ATP9B: variants seen among roughly 807,000 people sequenced by gnomAD.
ATP9B encodes the protein ATPase phospholipid transporting 9B, also known as probable phospholipid-transporting ATPase IIB.
Under a neutral mutation model 146.1 loss-of-function variants are expected in ATP9B, and 110 were observed. The ratio of observed to expected loss-of-function variants is 0.75; its 90% CI spans 0.65 to 0.88. The LOEUF is 0.88. Among genes scored for constraint, ATP9B ranks in the 40% least tolerant of loss-of-function variants. The pLI is 0.00. For synonymous variants in ATP9B, 604 were observed against 569.7 expected, an observed-to-expected ratio of 1.06 and a Z score of -0.86; for missense variants, 1,499 against 1,496.4, an observed-to-expected ratio of 1.00 and a Z score of -0.03.
At chr18:79,238,708 C>G (rs1255962078) in intron 11 of ATP9B, among the ~76,000 whole-genome samples, 2 of 152,198 alleles carry the variant, frequency 1.3e-5, no homozygotes, top group African/African-American at 4.8e-5. Context: ...CTGTCTCTAC[C>G]CTAACTCGAG....
intron 5 of ATP9B, among the ~76,000 whole-genome samples, chr18:79,140,231 C>G (rs1450572827): frequency 6.6e-6 from 1 of 152,054 alleles, no homozygotes; most frequent in Non-Finnish European, 1.5e-5. Context: ...GAGGAGCCAG[C>G]TGGTAAAGCC....
At chr18:79,274,602 T>C (rs2096287611) in intron 12 of ATP9B, among the ~76,000 whole-genome samples, 1 of 152,196 alleles carries the variant, frequency 6.6e-6, no homozygotes, top group Admixed American at 6.5e-5. Context: ...AAAACCCGTG[T>C]GGTATTATAC....
At chr18:79,197,677 A>C (rs2095429282) in intron 9 of ATP9B, among the ~76,000 whole-genome samples, 1 of 151,852 alleles carries the variant, frequency 6.6e-6, no homozygotes, top group Admixed American at 6.5e-5. Flanking sequence ...TTAGATGCTA[A>C]AGTGGGATCA....
At chr18:79,372,955 T>C (rs2097081221) in intron 27 of ATP9B, 73 bp downstream of exon 27, 2 of 1,070,278 alleles carry the variant, frequency 1.9e-6, no homozygotes, top group Non-Finnish European at 2.9e-6. Flanking sequence ...ATATTGTTTT[T>C]ACTTGCAGAT....
intron 6 of ATP9B, among the ~76,000 whole-genome samples, chr18:79,144,511 C>T (rs28698677): frequency 0.17 from 26,019 of 152,074 alleles, 3,774 homozygotes; most frequent in African/African-American, 0.4. Flanking sequence ...CACAATAGGG[C>T]TCTTGCTCCT....
chr18:79,106,130 A>G (rs547654599), intron 2 of ATP9B, among the ~76,000 whole-genome samples: 39 of 152,332 alleles, frequency 2.6e-4, no homozygotes, highest in African/African-American at 9.1e-4. Flanking sequence ...ACTGCTGGAT[A>G]TAGTTTCAGC....
chr18:79,363,245 C>T (rs952777649), intron 26 of ATP9B: 2 of 152,222 alleles, frequency 1.3e-5, no homozygotes, highest in Non-Finnish European at 2.9e-5. Context: ...TATAATAATA[C>T]ATTTAAGCAT....
At chr18:79,176,511 A>G (rs1222714243) in intron 7 of ATP9B, among the ~76,000 whole-genome samples, 2 of 152,246 alleles carry the variant, frequency 1.3e-5, no homozygotes, top group African/African-American at 4.8e-5. Flanking sequence ...AGAAATGATC[A>G]ATGCAGTTTT....
In ATP9B at chr18:79,370,325, G is replaced by GC. The variant is rs1256546155; in HGVS notation, c.3013-2500_3013-2499insC. ...TATTACTTCTATTTCACAGAGGAGG[G>GC]AACTGAGGCACAGAGATTAAGTCCT... On this transcript the variant is annotated intron_variant, in intron 26 of 29. Coordinates refer to ENST00000426216, the MANE Select transcript of ATP9B (RefSeq NM_198531.5). 5.3e-5 allele frequency among the ~76,000 whole-genome samples: 8 copies of GC among 152,122 alleles called. No individual in the cohort carries two copies. In the East Asian group the frequency reaches 1.3e-3, roughly 26 times the overall value.
intron 12 of ATP9B, among the ~76,000 whole-genome samples, chr18:79,274,300 A>C (rs192315747): frequency 1.3e-5 from 2 of 152,238 alleles, no homozygotes; most frequent in African/African-American, 4.8e-5. Flanking sequence ...TACTCTGCCA[A>C]CTTAGTGTTT....
At chr18:79,316,061 C>T (rs1486560608) in intron 15 of ATP9B, among the ~76,000 whole-genome samples, 1 of 152,162 alleles carries the variant, frequency 6.6e-6, no homozygotes, top group Non-Finnish European at 1.5e-5. Flanking sequence ...TAATGTCAGG[C>T]AGCAGTTAAT....
At chr18:79,250,943 G>A (rs145229125) in intron 11 of ATP9B, among the ~76,000 whole-genome samples, 1 of 152,338 alleles carries the variant, frequency 6.6e-6, no homozygotes, top group African/African-American at 2.4e-5. Context: ...TGAATTAGAG[G>A]GCAGTGTGCT....
At chr18:79,231,803 T>TATATACAC (rs569726473) in intron 11 of ATP9B, among the ~76,000 whole-genome samples, 33 of 114,760 alleles carry the variant, frequency 2.9e-4, no homozygotes, top group South Asian at 2.3e-3. Flanking sequence ...TATATATATA[T>TATATACAC]ACACACACAC....
At chr18:79,329,334 C>CT (rs766808950) in intron 16 of ATP9B, 32 bp downstream of exon 16, 1 of 1,513,292 alleles carries the variant, frequency 6.6e-7, no homozygotes, top group East Asian at 2.4e-5. Flanking sequence ...CACGCGATGG[C>CT]TTCAGACATT....
intron 14 of ATP9B, among the ~76,000 whole-genome samples, chr18:79,305,576 A>C (rs2146518353): frequency 6.6e-6 from 1 of 152,328 alleles, no homozygotes; most frequent in African/African-American, 2.4e-5. Context: ...GCGTTGAAAT[A>C]GTACCAGATG....
chr18:79,133,066 G>A (rs1050606830), intron 5 of ATP9B, among the ~76,000 whole-genome samples: 4 of 151,674 alleles, frequency 2.6e-5, no homozygotes, highest in Non-Finnish European at 4.4e-5. Context: ...GTTTTGTTTT[G>A]TTTTTAGTAG....
At chr18:79,348,010 G>A in intron 24 of ATP9B, 85 bp downstream of exon 24, 6 of 1,602,158 alleles carry the variant, frequency 3.7e-6, no homozygotes, top group South Asian at 1.1e-5. Context: ...GGGAGTGGGG[G>A]TGCTGAGTGC....
chr18:79,236,154 T>C (rs1330613638), intron 11 of ATP9B, among the ~76,000 whole-genome samples: 1 of 152,240 alleles, frequency 6.6e-6, no homozygotes. Context: ...ACACTTGTAG[T>C]GTCTATCTTA....
chr18:79,241,044 G>A (rs1470377103), intron 11 of ATP9B, among the ~76,000 whole-genome samples: 5 of 152,176 alleles, frequency 3.3e-5, no homozygotes, highest in African/African-American at 1.2e-4. Flanking sequence ...ATTGTAAAGG[G>A]CTATTGGGTT....
Sources: gnomAD v4.1 joint callset for allele counts (sites outside exome capture counted in the v4.1 genomes callset) on GRCh38, gnomAD v4.1.1 for gene constraint, MANE v1.5 for transcripts, NCBI Gene and HGNC (gene_info 2026-07-23, HGNC 2026-07-21) for gene names.